Variants in NCKAP5 observed in about 807,000 individuals in gnomAD.
NCKAP5 encodes NCK associated protein 5.
Under a neutral mutation model 167.0 loss-of-function variants are expected in NCKAP5, and 92 were observed. The ratio of observed to expected loss-of-function variants is 0.55; its 90% confidence interval spans 0.47 to 0.66. The LOEUF is 0.66. NCKAP5 is among the 30% of genes least tolerant of loss of function. NCKAP5 has a pLI of 0.00. For missense variants in NCKAP5, 2,378 were observed against 2,315.0 expected (o/e 1.03, Z -0.56); for synonymous variants, 891 against 877.4 (o/e 1.02, Z -0.27).
At chr2:133,004,507 G>A (rs192725458) in intron 6 of NCKAP5, among the ~76,000 whole-genome samples, 1 of 152,210 alleles carries the variant, frequency 6.6e-6, no homozygotes, top group East Asian at 1.9e-4. Flanking sequence ...AAACCAGCAA[G>A]TTTTTATTAG....
intron 3 of NCKAP5, among the ~76,000 whole-genome samples, chr2:133,397,281 T>C (rs1219248548): frequency 1.3e-5 from 2 of 152,242 alleles, no homozygotes; most frequent in African/African-American, 4.8e-5. Flanking sequence ...AATCAATCTT[T>C]CTTATGGCCT....
chr2:133,259,098 C>A (rs2088778061), intron 4 of NCKAP5, among the ~76,000 whole-genome samples: 1 of 152,144 alleles, frequency 6.6e-6, no homozygotes, highest in Admixed American at 6.5e-5. Flanking sequence ...CCTGCCTGAG[C>A]TCAAGCCCTC....
intron 3 of NCKAP5, among the ~76,000 whole-genome samples, chr2:133,417,048 T>TA (rs1478332563): frequency 1.4e-5 from 2 of 148,076 alleles, no homozygotes; most frequent in African/African-American, 2.5e-5. Flanking sequence ...TTGCTTAAAA[T>TA]AAAAAAACAC....
chr2:133,069,231 C>G (rs1379987912), intron 6 of NCKAP5, among the ~76,000 whole-genome samples: 3 of 152,264 alleles, frequency 2.0e-5, no homozygotes, highest in African/African-American at 7.2e-5. Context: ...TCCCTTCCAG[C>G]CCAAATAGAA....
intron 16 of NCKAP5, among the ~76,000 whole-genome samples, chr2:132,771,631 A>G (rs2104941557): frequency 6.6e-6 from 1 of 151,862 alleles, no homozygotes; most frequent in African/African-American, 2.4e-5. Context: ...CTCCAGTTCT[A>G]TAAGTGCCCT....
intron 1 of NCKAP5, among the ~76,000 whole-genome samples, chr2:133,565,874 A>T (rs1021546471): frequency 2.0e-5 from 3 of 152,260 alleles, no homozygotes; most frequent in African/African-American, 4.8e-5. Context: ...AGCATAATAC[A>T]TTGAATAACT....
chr2:132,933,139 A>G (rs571705437), intron 8 of NCKAP5, among the ~76,000 whole-genome samples: 1 of 151,912 alleles, frequency 6.6e-6, no homozygotes, highest in Non-Finnish European at 1.5e-5. Context: ...GTTAGCCAGG[A>G]TGGTCTCGAT....
At chr2:132,675,886 C>T (rs1684394119) in intron 19 of NCKAP5, among the ~76,000 whole-genome samples, 1 of 151,440 alleles carries the variant, frequency 6.6e-6, no homozygotes, top group South Asian at 2.1e-4. Flanking sequence ...TCTCGGGTTT[C>T]CTTTTATTTT....
chr2:133,654,234 A>T, the NCKAP5 span, among the ~76,000 whole-genome samples: 1 of 151,992 alleles, frequency 6.6e-6, no homozygotes, highest in African/African-American at 2.4e-5. Flanking sequence ...ATATAAAATT[A>T]TCTGGGTGTG....
At chr2:133,012,580 G>A (rs2078198881) in intron 6 of NCKAP5, among the ~76,000 whole-genome samples, 1 of 152,016 alleles carries the variant, frequency 6.6e-6, no homozygotes, top group Non-Finnish European at 1.5e-5. Flanking sequence ...CCCTTCAATG[G>A]CTTTTTCTGC....
chr2:133,056,505 TA>T (rs2079806592), intron 6 of NCKAP5, among the ~76,000 whole-genome samples: 1 of 152,316 alleles, frequency 6.6e-6, no homozygotes, highest in East Asian at 1.9e-4. Flanking sequence ...TGCAAAATCT[TA>T]AAGTGTCTGT....
chr2:132,723,321 G>A (rs913260303), intron 19 of NCKAP5, among the ~76,000 whole-genome samples: 11 of 151,642 alleles, frequency 7.3e-5, no homozygotes, highest in African/African-American at 1.7e-4. Flanking sequence ...CTGTCACCAC[G>A]CCAGGCTAAT....
At chr2:133,377,141 C>T (rs989745632) in intron 3 of NCKAP5, among the ~76,000 whole-genome samples, 1 of 152,150 alleles carries the variant, frequency 6.6e-6, no homozygotes, top group East Asian at 1.9e-4. Flanking sequence ...ATACACTGGA[C>T]TCTCTCATTC....
chr2:133,488,468 C>G (rs1370055206), intron 3 of NCKAP5, among the ~76,000 whole-genome samples: 1 of 152,084 alleles, frequency 6.6e-6, no homozygotes, highest in East Asian at 1.9e-4. Flanking sequence ...ACTGGGATTC[C>G]AATTTTATAG....
At chr2:132,745,495 A>C (rs1345104263) in intron 16 of NCKAP5, among the ~76,000 whole-genome samples, 1 of 151,856 alleles carries the variant, frequency 6.6e-6, no homozygotes, top group African/African-American at 2.4e-5. Context: ...ATAACACCAT[A>C]TTTGAAAAAA....
intron 11 of NCKAP5, among the ~76,000 whole-genome samples, chr2:132,857,395 A>G (rs1310466573): frequency 6.6e-6 from 1 of 152,172 alleles, no homozygotes; most frequent in East Asian, 1.9e-4. Flanking sequence ...AGACCTACTA[A>G]GTTACAAAAA....
chr2:132,993,889 A>G (rs1573666406), intron 7 of NCKAP5, among the ~76,000 whole-genome samples: 1 of 152,234 alleles, frequency 6.6e-6, no homozygotes, highest in African/African-American at 2.4e-5. Flanking sequence ...CAATGCCTAT[A>G]CAAGTCTCTC....
Position 132,868,933 on chromosome 2 carries a change from T to A in NCKAP5, c.687+3A>T. 1 of 1,545,416 alleles carries A rather than the reference T, an allele frequency of 6.5e-7. No individual in the cohort carries two copies. Among genetic ancestry groups the A allele is most frequent in the East Asian group, 2.4e-5 (1 of 41,320 alleles). On this transcript the variant is annotated splice_donor_region_variant and intron_variant, in intron 10 of 19. Transcript: ENST00000409261. ...AAAAGAACAAAGTCAGAAAGTGACC[T>A]ACCTTTTGAGTAAGCAGAGCTTGAA...
intron 6 of NCKAP5, among the ~76,000 whole-genome samples, chr2:133,095,290 G>A (rs1328965766): frequency 6.6e-6 from 1 of 152,222 alleles, no homozygotes; most frequent in Non-Finnish European, 1.5e-5. Flanking sequence ...GTATTCCATA[G>A]TATGTGGTAA....
Sources: gnomAD v4.1 joint callset for allele counts (sites outside exome capture counted in the v4.1 genomes callset) on GRCh38, gnomAD v4.1.1 for gene constraint, MANE v1.5 for transcripts, NCBI Gene and HGNC (gene_info 2026-07-23, HGNC 2026-07-21) for gene names.